Variants in ATOSA observed in about 807,000 individuals in gnomAD.
The protein encoded by ATOSA is atos homolog A.
At chr15:52,592,938 G>A in the ATOSA span, among the ~76,000 whole-genome samples, 29 of 152,230 alleles carry the variant, frequency 1.9e-4, no homozygotes, top group African/African-American at 7.0e-4. Context: ...CTTGAGGCCA[G>A]GAGTTCAAGA....
chr15:52,644,325 G>A, the ATOSA span, among the ~76,000 whole-genome samples: 2 of 152,104 alleles, frequency 1.3e-5, no homozygotes, highest in Non-Finnish European at 2.9e-5. Flanking sequence ...ACAATCAGAT[G>A]ATCTCTGTTT....
At chr15:52,698,808 TA>T in the ATOSA span, among the ~76,000 whole-genome samples, 1 of 152,202 alleles carries the variant, frequency 6.6e-6, no homozygotes, top group South Asian at 2.1e-4. Flanking sequence ...TATACATAAG[TA>T]AAAATTCAAG....
At chr15:52,641,925 A>G in the ATOSA span, among the ~76,000 whole-genome samples, 1 of 152,128 alleles carries the variant, frequency 6.6e-6, no homozygotes, top group Non-Finnish European at 1.5e-5. Context: ...TTATTGGATG[A>G]CTCTGTGGTC....
the ATOSA span, among the ~76,000 whole-genome samples, chr15:52,638,721 A>G: frequency 2.1e-5 from 3 of 141,214 alleles, no homozygotes; most frequent in African/African-American, 7.7e-5. Flanking sequence ...AAAAAAAAGT[A>G]CCACTGGGGT....
chr15:52,637,897 G>C, the ATOSA span, among the ~76,000 whole-genome samples: 1 of 152,026 alleles, frequency 6.6e-6, no homozygotes, highest in Non-Finnish European at 1.5e-5. Flanking sequence ...CTGAATATTA[G>C]GATTTTCTAA....
the ATOSA span, chr15:52,581,380 C>T: frequency 6.6e-6 from 1 of 152,086 alleles, no homozygotes. Flanking sequence ...AGTACATATT[C>T]TTTTAACAAT....
the ATOSA span, among the ~76,000 whole-genome samples, chr15:52,647,589 G>GT: frequency 6.6e-6 from 1 of 152,152 alleles, no homozygotes; most frequent in South Asian, 2.1e-4. Context: ...CTTTAGCTCA[G>GT]TTCTAGCTGA....
chr15:52,676,437 G>C, the ATOSA span, among the ~76,000 whole-genome samples: 3 of 151,986 alleles, frequency 2.0e-5, no homozygotes, highest in African/African-American at 7.2e-5. Flanking sequence ...GTAAGGGTAA[G>C]TACGTTTGTG....
the ATOSA span, among the ~76,000 whole-genome samples, chr15:52,685,935 CAGG>C: frequency 6.6e-6 from 1 of 152,290 alleles, no homozygotes; most frequent in South Asian, 2.1e-4. Context: ...CTATGTTGTC[CAGG>C]CTGGTCTCAA....
the ATOSA span, among the ~76,000 whole-genome samples, chr15:52,612,999 G>C: frequency 1.3e-5 from 2 of 151,844 alleles, no homozygotes; most frequent in African/African-American, 2.4e-5. Context: ...GGTTAATGCA[G>C]GGAAAATAAT....
chr15:52,686,715 T>C, the ATOSA span, among the ~76,000 whole-genome samples: 2 of 152,198 alleles, frequency 1.3e-5, no homozygotes, highest in Admixed American at 6.5e-5. Flanking sequence ...AGTTTTCCTT[T>C]TGCATTTTCA....
chr15:52,603,451 A>T, the ATOSA span, among the ~76,000 whole-genome samples: 1 of 152,264 alleles, frequency 6.6e-6, no homozygotes, highest in South Asian at 2.1e-4. Context: ...TAGAACTACT[A>T]TATGACCCAG....
At chr15:52,616,496 G>A in the ATOSA span, among the ~76,000 whole-genome samples, 2 of 152,182 alleles carry the variant, frequency 1.3e-5, no homozygotes, top group Non-Finnish European at 2.9e-5. Context: ...CATTTTGGGA[G>A]GCTGAGGCAA....
chr15:52,610,088 C>A, the ATOSA span: 1 of 1,613,978 alleles, frequency 6.2e-7, no homozygotes, highest in Non-Finnish European at 8.5e-7. Flanking sequence ...CTTTCAGGTG[C>A]CATGGTCCAA....
At chr15:52,611,872 G>C in the ATOSA span, 1 of 1,131,242 alleles carries the variant, frequency 8.8e-7, no homozygotes, top group Non-Finnish European at 1.3e-6. Flanking sequence ...ACATCTGTGT[G>C]AGAAATGAGT....
the ATOSA span, chr15:52,582,056 TC>T: frequency 1.1e-6 from 1 of 944,172 alleles, no homozygotes; most frequent in Non-Finnish European, 1.5e-6. Context: ...CAGGAGAGAA[TC>T]CACTCTCCTG....
chr15:52,697,957 ATTTTTTTTTTTTTTTTTTT>A, the ATOSA span, among the ~76,000 whole-genome samples: 7 of 44,780 alleles, frequency 1.6e-4, no homozygotes, highest in Admixed American at 4.0e-4. Context: ...GGGATGTAGA[ATTTTTTTTTTTTTTTTTTT>A]TTTTTTTTTT....
the ATOSA span, chr15:52,608,525 C>A: frequency 6.6e-7 from 1 of 1,513,738 alleles, no homozygotes; most frequent in South Asian, 1.4e-5. Flanking sequence ...TAAACCATAA[C>A]AAATATTTGA....
chr15:52,626,691 C>G, the ATOSA span, among the ~76,000 whole-genome samples: 2 of 152,074 alleles, frequency 1.3e-5, no homozygotes, highest in Admixed American at 1.3e-4. Flanking sequence ...GGGCCTTAAA[C>G]CTACGTCTCT....
Sources: allele counts gnomAD v4.1 joint callset (sites outside exome capture counted in the v4.1 genomes callset), GRCh38; gene constraint gnomAD v4.1.1; transcripts MANE v1.5; gene names NCBI Gene and HGNC (gene_info 2026-07-23, HGNC 2026-07-21).